PEAR1: variants seen among roughly 807,000 people sequenced by gnomAD.
PEAR1 encodes multiple EGF-like domains protein 12.
PEAR1 carries 113 observed loss-of-function variants against 131.2 expected under a neutral mutation model. The observed-to-expected ratio is 0.86, with a 90% confidence interval of 0.74 to 1.01. The LOEUF (loss-of-function observed/expected upper bound fraction) is 1.01. Ranked by LOEUF, PEAR1 falls within the 50% of genes least tolerant of loss-of-function variation. The pLI is 0.00. For synonymous variants in PEAR1, 565 were observed against 523.3 expected, an observed-to-expected ratio of 1.08 and a Z score of -1.09; for missense variants, 1,408 against 1,391.1, an observed-to-expected ratio of 1.01 and a Z score of -0.19.
Position 156,913,402 on chromosome 1 carries a change from G to A in PEAR1, c.2523G>A (p.Pro841=), listed in dbSNP as rs141857901. The change falls in exon 20 of 23, where the codon CCG becomes CCA. Residue 841 remains proline (P), a synonymous_variant. Coordinates refer to ENST00000292357, the MANE Select transcript of PEAR1 (RefSeq NM_001080471.3). The part of the protein sequence containing the change: ...NPPPPNKVPG[P]LFASLQNPER... ...CTGTCCCCTCTTAGGTTCCAGGCCC[G>A]CTCTTTGCCAGCCTGCAGAACCCTG... The A allele has an allele frequency of 1.3e-3, 2,011 of 1,598,994 alleles. 4 individuals carry two copies. The highest frequency in any genetic ancestry group is 3.3e-3 in the Middle Eastern group (20 of 6,008).
rs1245951249 is a variant in PEAR1, at chr1:156,911,909, T to C, written c.1952-338T>C. Among the ~76,000 whole-genome samples the C allele has an allele frequency of 3.3e-5, 5 of 152,192 alleles. No individual in the cohort carries two copies. In the South Asian group the frequency reaches 6.2e-4, roughly 19 times the overall value. Reference sequence around the variant, plus strand: ...AAAATAATGCCTTAAACAGGACAGATGTTTACTTCTCTCTTATGTTAAAAA... The same window carrying C: ...AAAATAATGCCTTAAACAGGACAGACGTTTACTTCTCTCTTATGTTAAAAA... On this transcript the variant is annotated intron_variant, in intron 15 of 22. Transcript: ENST00000292357.
At position 156,908,459 on chromosome 1, in the gene PEAR1, G is replaced by T; in HGVS notation, c.1115+119G>T. 7.6e-7 allele frequency: 1 copy of T among 1,320,852 alleles called. No homozygotes were observed. Among genetic ancestry groups the T allele is most frequent in the Non-Finnish European group, 1.0e-6 (1 of 994,476 alleles). 81.8% of individuals were successfully genotyped at this position (1,320,852 alleles called of 1,614,324 possible). A position where few individuals can be genotyped will look rare whatever the true frequency, so the allele number is the denominator to read the frequency against. ...GGACAGGTGTCACAGAAGGGGAAAG[G>T]GAGGGACCTCAGGGGCCGGGAGGGG... On this transcript the variant is annotated intron_variant, in intron 9 of 22. Transcript: ENST00000292357. This position sits in a 1 kb window ranked among gnomAD's most constrained non-coding sequence, Gnocchi z 4.2.
chr1:156,904,125 C>T, intron 2 of PEAR1, 98 bp downstream of exon 2: 1 of 916,858 alleles, frequency 1.1e-6, no homozygotes, highest in Admixed American at 1.8e-5. Context: ...CTTCCTTAAT[C>T]TCCTTCCTTC....
Position 156,902,524 on chromosome 1 carries a change from G to T in PEAR1, c.-9-1394G>T, listed in dbSNP as rs1253752513. ...CGGCTGAGATGGGGTTAATTTAGGA[G>T]CCTAGACCTGGAGGGAAGGAGCGGC... On this transcript the variant is annotated intron_variant, in intron 1 of 22. Transcript: ENST00000292357. The surrounding 1 kb of genome is among the most constrained non-coding windows in gnomAD (Gnocchi z 4.3). 6.6e-6 allele frequency among the ~76,000 whole-genome samples: 1 copy of T among 152,092 alleles called. No individual in the cohort carries two copies. Among genetic ancestry groups the T allele is most frequent in the Non-Finnish European group, 1.5e-5 (1 of 68,010 alleles).
intron 19 of PEAR1, 24 bp downstream of exon 19, chr1:156,913,306 A>G (rs755115661): frequency 2.5e-5 from 40 of 1,600,374 alleles, no homozygotes; most frequent in Admixed American, 1.2e-4. Context: ...GAGGGGGTGC[A>G]CTGTGGAGGG....
intron 1 of PEAR1, among the ~76,000 whole-genome samples, 181 bp downstream of exon 1, chr1:156,894,018 G>C (rs909512209): frequency 6.6e-6 from 1 of 152,234 alleles, no homozygotes; most frequent in Non-Finnish European, 1.5e-5. Flanking sequence ...AGGGGAAGGG[G>C]ACAGTGGAGG....
At chr1:156,910,889 G>A (rs1650992654) in intron 15 of PEAR1, 146 bp downstream of exon 15, 1 of 1,233,198 alleles carries the variant, frequency 8.1e-7, no homozygotes, top group East Asian at 2.5e-5. Flanking sequence ...TACATGCTGG[G>A]TACTGTTCTA....
In PEAR1 at chr1:156,913,263, A is replaced by C. The variant is rs1019724694; in HGVS notation, c.2492A>C (p.Asn831Thr). ...CACACCCTGTCGCAGTGCTCCCCAA[A>C]CCCCCCACCCCCTAACAAGGTCAGT... The part of the protein sequence containing the change: ...SYHTLSQCSP[N>T]PPPPNKVPGP... The change falls in exon 19 of 23, where the codon AAC becomes ACC. Residue 831 changes from asparagine to threonine, a missense_variant. By Grantham distance (65) the Asn-to-Thr change is moderately conservative. Transcript: ENST00000292357. The C allele has an allele frequency of 3.0e-5, 48 of 1,606,872 alleles. No individual in the cohort carries two copies. Among genetic ancestry groups the C allele is most frequent in the Non-Finnish European group, 4.0e-5 (47 of 1,176,414 alleles).
rs755193999 is a variant in PEAR1 at position 156,916,236 on chromosome 1, C to A, written c.*1438C>A. ...CTGCTTTAAGCAAATCTGTTGGCAC[C>A]ATTTTTCCAATAGCATGTGCCCATT... On this transcript the variant is annotated 3_prime_UTR_variant, in exon 23 of 23. Transcript: ENST00000292357. 1 of 152,148 alleles carries A rather than the reference C, an allele frequency of 6.6e-6. No homozygotes were observed. The highest frequency in any genetic ancestry group is 2.4e-5 in the African/African-American group (1 of 41,416). 9.4% of individuals were successfully genotyped at this position (152,148 alleles called of 1,614,324 possible).
At chr1:156,904,928 C>T (rs968669969) in intron 3 of PEAR1, 76 bp downstream of exon 3, 1 of 1,597,364 alleles carries the variant, frequency 6.3e-7, no homozygotes, top group Non-Finnish European at 8.5e-7. Context: ...GCCCTCTGTA[C>T]CTGTTCACTT....
chr1:156,908,899 C>T lies in PEAR1; in HGVS notation c.1291-17C>T, dbSNP rs750800610. ...CAAGGAATGGGCCGCCCCTCTCACC[C>T]GCTCACCCTCTTTCAGGGCCCTCAC... On this transcript the variant is annotated splice_polypyrimidine_tract_variant and intron_variant, in intron 10 of 22. Coordinates refer to ENST00000292357, the MANE Select transcript of PEAR1 (RefSeq NM_001080471.3). The surrounding 1 kb of genome is among the most constrained non-coding windows in gnomAD (Gnocchi z 4.2). 38 of 1,611,914 alleles carry T rather than the reference C, an allele frequency of 2.4e-5. No individual in the cohort carries two copies. The South Asian group carries it at 2.9e-4, about 12-fold the overall frequency.
chr1:156,900,899 G>A (rs570477353), intron 1 of PEAR1, among the ~76,000 whole-genome samples: 88 of 152,258 alleles, frequency 5.8e-4, no homozygotes, highest in African/African-American at 2.0e-3. Flanking sequence ...TATGCAATGG[G>A]CCCATTGCTG....
intron 1 of PEAR1, among the ~76,000 whole-genome samples, chr1:156,903,152 A>G (rs1457584422): frequency 1.3e-5 from 2 of 152,140 alleles, no homozygotes; most frequent in African/African-American, 2.4e-5. Flanking sequence ...GAAGAGATGC[A>G]TACAATTGGC....
chr1:156,912,310 C>A lies in PEAR1; in HGVS notation c.2015C>A (p.Thr672Asn). ...ACCTGCCAATGTCACCATGGTGGGACCTGCCATCCCCAGGATGGGAGCTGT... is the reference window on the plus strand; with the variant it reads ...ACCTGCCAATGTCACCATGGTGGGAACTGCCATCCCCAGGATGGGAGCTGT... ...AQTCQCHHGG[T>N]CHPQDGSCIC... Residue 672 changes from threonine to asparagine, a missense_variant, in exon 16 of 23, where the codon ACC (threonine) becomes AAC (asparagine). Physicochemically the swap from Thr to Asn is moderately conservative, Grantham distance 65. Coordinates refer to ENST00000292357, the MANE Select transcript of PEAR1 (RefSeq NM_001080471.3). 1 of 1,614,012 alleles carries A rather than the reference C, an allele frequency of 6.2e-7. No individual in the cohort carries two copies. Among genetic ancestry groups the A allele is most frequent in the Non-Finnish European group, 8.5e-7 (1 of 1,179,994 alleles).
Position 156,908,820 on chromosome 1 carries a change from G to A in PEAR1, c.1281G>A (p.Pro427=), listed in dbSNP as rs373086443. 100 of 1,606,092 alleles carry A rather than the reference G, an allele frequency of 6.2e-5. No homozygotes were observed. Among genetic ancestry groups the A allele is most frequent in the Non-Finnish European group, 8.1e-5 (95 of 1,178,904 alleles). The change falls in exon 10 of 23, where the codon CCG becomes CCA. Residue 427 remains proline (P), a synonymous_variant. Transcript: ENST00000292357. The surrounding 1 kb of genome is among the most constrained non-coding windows in gnomAD (Gnocchi z 4.2). ...CCAGCGGCCTCTGTCAGTGCGCGCC[G>A]GGTTACACGGTGAGGCGCGCCCGGC... ...QATSGLCQCA[P]GYTGPHCASL...
chr1:156,910,514 T>TTCAGAC (rs1650940617), intron 14 of PEAR1, 104 bp from the exon 15 acceptor site: 1 of 1,559,012 alleles, frequency 6.4e-7, no homozygotes, highest in East Asian at 2.3e-5. Flanking sequence ...CTGACCCGTC[T>TTCAGAC]TCAGACTAGT....
In PEAR1 at chr1:156,911,152, CT is replaced by C. The variant is rs1287881512; in HGVS notation, c.1951+414del. 2.4e-3 allele frequency among the ~76,000 whole-genome samples: 242 copies of C among 99,208 alleles called. 1 individual carries two copies. The highest frequency in any genetic ancestry group is 9.8e-3 in the African/African-American group (219 of 22,366). 65.1% of individuals were successfully genotyped at this position (99,208 alleles called of 152,430 possible). ...TTTCCTTTCTTTCTTTTCTTTCTTT[CT>C]TTTTCTTTCTTTCTTTCCTTTCTTT... On this transcript the variant is annotated intron_variant, in intron 15 of 22. Coordinates refer to ENST00000292357, the MANE Select transcript of PEAR1 (RefSeq NM_001080471.3).
At position 156,912,831 on chromosome 1, in the gene PEAR1, A is replaced by C; in HGVS notation, c.2271A>C (p.Ala757=). The C allele has an allele frequency of 1.2e-6, 2 of 1,614,220 alleles. No individual in the cohort carries two copies. Among genetic ancestry groups the C allele is most frequent in the Non-Finnish European group, 1.7e-6 (2 of 1,180,044 alleles). ...TTPVAYNSLG[A]VIGIAVLGSL... ...CAGTAGCGTATAACTCGCTGGGTGC[A>C]GTGATTGGCATTGCAGTGCTGGGGT... Residue 757 remains alanine (A), a synonymous_variant, in exon 18 of 23, where the codon GCA becomes GCC. Transcript: ENST00000292357.
At chr1:156,911,581 A>C (rs1651211012) in intron 15 of PEAR1, among the ~76,000 whole-genome samples, 1 of 151,146 alleles carries the variant, frequency 6.6e-6, no homozygotes, top group Non-Finnish European at 1.5e-5. Context: ...GGTGTGAGCC[A>C]CTGCGCCCAG....
Sources: gnomAD v4.1 joint callset for allele counts (sites outside exome capture counted in the v4.1 genomes callset) on GRCh38, gnomAD v4.1.1 for gene constraint, Gnocchi (gnomAD v3.1) non-coding constraint, MANE v1.5 for transcripts, NCBI Gene and HGNC (gene_info 2026-07-23, HGNC 2026-07-21) for gene names.